The following EPM2A variants were observed in gnomAD, a reference collection of about 807,000 sequenced individuals.
EPM2A encodes the protein EPM2A glucan phosphatase, laforin.
EPM2A carries 21 observed loss-of-function variants against 26.5 expected under a neutral mutation model. The observed-to-expected ratio is 0.79, with a 90% CI of 0.56 to 1.14. The LOEUF is 1.14. EPM2A is among the 50% of genes most tolerant of loss of function. The pLI, the probability that EPM2A is intolerant of heterozygous loss-of-function variation, is 0.00. For synonymous variants in EPM2A, 217 were observed against 177.6 expected (o/e 1.22, Z -1.76); for missense variants, 458 against 440.8 (o/e 1.04, Z -0.35).
intron 4 of EPM2A, among the ~76,000 whole-genome samples, chr6:145,425,884 T>C (rs142109524): frequency 1.4e-4 from 21 of 152,314 alleles, no homozygotes; most frequent in South Asian, 8.3e-4. Flanking sequence ...TACTATTAGA[T>C]ACTTTCTCCA....
intron 1 of EPM2A, among the ~76,000 whole-genome samples, chr6:145,718,076 T>A (rs2128636321): frequency 6.6e-6 from 1 of 151,988 alleles, no homozygotes; most frequent in South Asian, 2.1e-4. Context: ...GCCATCCCCA[T>A]CAGGCTACCA....
intron 4 of EPM2A, among the ~76,000 whole-genome samples, chr6:145,476,209 G>T (rs963884686): frequency 3.9e-5 from 6 of 151,974 alleles, no homozygotes; most frequent in African/African-American, 1.2e-4. Context: ...AGGATAAAAG[G>T]GTCGAGTCAG....
At chr6:145,544,553 C>T (rs573284472) in intron 2 of EPM2A, among the ~76,000 whole-genome samples, 32 of 152,184 alleles carry the variant, frequency 2.1e-4, no homozygotes, top group Admixed American at 5.2e-4. Flanking sequence ...ACAAAGTGTG[C>T]GTTAGGCAGA....
In EPM2A at chr6:145,735,407, C is replaced by CGCCCCAGCTCGGGCCGCG; in HGVS notation, c.74_91dup (p.Gly30_Arg31insProArgProGluLeuGly). The CGCCCCAGCTCGGGCCGCG allele has an allele frequency of 8.1e-7, 1 of 1,240,532 alleles. No homozygotes were observed. Among genetic ancestry groups the CGCCCCAGCTCGGGCCGCG allele is most frequent in the South Asian group, 2.8e-5 (1 of 35,868 alleles). The allele number at this position is 1,240,532 out of a possible 1,614,324, so 76.8% of individuals were successfully genotyped here. ...GCGGACGGCACCGCGCGGCTCCCAACGCCCCAGCTCGGGCCGCGACCCCAC... is the reference window on the plus strand; with the variant it reads ...GCGGACGGCACCGCGCGGCTCCCAACGCCCCAGCTCGGGCCGCGGCCCCAGCTCGGGCCGCGACCCCAC... On this transcript the variant is annotated inframe_insertion, in exon 1 of 4. Transcript: ENST00000367519.
chr6:145,467,088 G>A (rs1027405453), intron 4 of EPM2A, among the ~76,000 whole-genome samples: 4 of 151,856 alleles, frequency 2.6e-5, no homozygotes, highest in Non-Finnish European at 4.4e-5. Flanking sequence ...GCACATGTAT[G>A]CATATGTAAC....
intron 2 of EPM2A, among the ~76,000 whole-genome samples, chr6:145,561,614 T>C (rs1780805675): frequency 6.6e-6 from 1 of 152,152 alleles, no homozygotes; most frequent in South Asian, 2.1e-4. Context: ...CCCCTAACAA[T>C]AGGCCCACTG....
At chr6:145,389,736 T>C (rs1480794094) in intron 4 of EPM2A, among the ~76,000 whole-genome samples, 1 of 152,196 alleles carries the variant, frequency 6.6e-6, no homozygotes, top group Non-Finnish European at 1.5e-5. Context: ...GAAGGTCTCC[T>C]ACCTCCATTT....
chr6:145,502,520 A>T lies in EPM2A; in HGVS notation c.394+2T>A, dbSNP rs757239148. 8.5e-6 allele frequency: 4 copies of T among 470,084 alleles called. No homozygotes were observed. Among genetic ancestry groups the T allele is most frequent in the South Asian group, 6.2e-5 (4 of 64,514 alleles). 29.1% of individuals were successfully genotyped at this position (470,084 alleles called of 1,614,324 possible). ...ACTGGGAGGAGGTGCATACTCACTC[A>T]CCTGCAGTCTCTTCCCACATCCCCG... is the stretch of plus-strand genomic sequence containing the variant. On this transcript the variant is annotated splice_donor_variant, in intron 3 of 3. Coordinates refer to the EPM2A transcript ENST00000450221. LOFTEE classifies it high-confidence loss of function.
chr6:145,423,542 G>T (rs1778816781), intron 4 of EPM2A, among the ~76,000 whole-genome samples: 1 of 152,150 alleles, frequency 6.6e-6, no homozygotes, highest in South Asian at 2.1e-4. Context: ...CAGAAATAGA[G>T]GAAGCAAGTA....
rs529317927 is a variant in EPM2A at position 145,461,768 on chromosome 6, A to G, written c.555+40754T>C. On this transcript the variant is annotated intron_variant, in intron 4 of 4. Transcript: ENST00000638717. ...AGCAAAGTATTTGGGTTGAGGCAATAGTGAGCCCCAGCTATGAGAAGGCAC... is the reference window on the plus strand; with the variant it reads ...AGCAAAGTATTTGGGTTGAGGCAATGGTGAGCCCCAGCTATGAGAAGGCAC... Among the ~76,000 whole-genome samples the G allele has an allele frequency of 6.6e-5, 10 of 152,320 alleles. No homozygotes were observed. The East Asian group carries it at 1.9e-3, about 29-fold the overall frequency.
At chr6:145,723,520 A>C (rs951356528) in intron 1 of EPM2A, among the ~76,000 whole-genome samples, 1 of 152,206 alleles carries the variant, frequency 6.6e-6, no homozygotes, top group Non-Finnish European at 1.5e-5. Context: ...AAAAAATTTA[A>C]GAATATGCTG....
intron 2 of EPM2A, among the ~76,000 whole-genome samples, chr6:145,561,898 G>A (rs1193849178): frequency 3.9e-5 from 6 of 152,052 alleles, no homozygotes; most frequent in Admixed American, 2.6e-4. Context: ...AGGGCCAGTC[G>A]GTGGGTGGAG....
Position 145,625,390 on chromosome 6 carries a change from T to C in EPM2A, c.*2026A>G. ...CCATTCATTGAGGAAAAAGACAGTT[T>C]ATTCCAAAACATTCTTTAATAGTCC... On this transcript the variant is annotated 3_prime_UTR_variant, in exon 4 of 4. Coordinates refer to ENST00000367519, the MANE Select transcript of EPM2A (RefSeq NM_005670.4). 1 of 286,886 alleles carries C rather than the reference T, an allele frequency of 3.5e-6. No homozygotes were observed. Among genetic ancestry groups the C allele is most frequent in the South Asian group, 6.7e-5 (1 of 14,900 alleles). 17.8% of individuals were successfully genotyped at this position (286,886 alleles called of 1,614,324 possible).
At chr6:145,385,880 CT>C (rs1271212326) in intron 4 of EPM2A, among the ~76,000 whole-genome samples, 4 of 151,806 alleles carry the variant, frequency 2.6e-5, no homozygotes, top group Admixed American at 6.6e-5. Context: ...TTATTCAGTA[CT>C]TTTTTGTATT....
At chr6:145,428,340 A>G (rs1287668113) in intron 4 of EPM2A, among the ~76,000 whole-genome samples, 2 of 152,046 alleles carry the variant, frequency 1.3e-5, no homozygotes, top group Admixed American at 1.3e-4. Context: ...CTGCCTTCAT[A>G]TGCTCTGACA....
At chr6:145,705,237 C>T (rs1782150270) in intron 1 of EPM2A, among the ~76,000 whole-genome samples, 1 of 151,872 alleles carries the variant, frequency 6.6e-6, no homozygotes, top group African/African-American at 2.4e-5. Context: ...TGGCTTGAGC[C>T]CAGGAGTTCA....
intron 2 of EPM2A, among the ~76,000 whole-genome samples, chr6:145,510,131 C>A (rs1381333440): frequency 6.6e-6 from 1 of 150,894 alleles, no homozygotes; most frequent in Non-Finnish European, 1.5e-5. Flanking sequence ...CGCAGCCACA[C>A]AATAATAGTG....
chr6:145,518,179 C>T lies in EPM2A; in HGVS notation c.341-15604G>A, dbSNP rs1780154944. Among the ~76,000 whole-genome samples, 2 of 152,138 alleles carry T rather than the reference C, an allele frequency of 1.3e-5. 1 individual carries two copies. The highest frequency in any genetic ancestry group is 4.1e-4 in the South Asian group (2 of 4,824). On this transcript the variant is annotated intron_variant, in intron 2 of 3. Coordinates refer to the EPM2A transcript ENST00000450221. Reference sequence around the variant, plus strand: ...TGTTTACTTGCCTACATATAATGAACCATACATCATTTTCTCAATACCCCA... The same window carrying T: ...TGTTTACTTGCCTACATATAATGAATCATACATCATTTTCTCAATACCCCA...
intron 2 of EPM2A, chr6:145,671,085 G>A (rs1779602375): frequency 1.0e-6 from 1 of 984,870 alleles, no homozygotes; most frequent in African/African-American, 1.7e-5. Flanking sequence ...GTGAACTATA[G>A]AAGCAGGACT....
Sources: allele counts gnomAD v4.1 joint callset (sites outside exome capture counted in the v4.1 genomes callset), GRCh38; gene constraint gnomAD v4.1.1; transcripts MANE v1.5; gene names NCBI Gene and HGNC (gene_info 2026-07-23, HGNC 2026-07-21).